Variants in ADGRF4 observed in about 807,000 individuals in gnomAD.
ADGRF4 encodes G-protein coupled receptor PGR18.
A neutral mutation model predicts 58.5 loss-of-function variants in ADGRF4; 63 were observed. That is an observed-to-expected ratio of 1.08 (90% CI 0.88 to 1.33). ADGRF4 has a LOEUF of 1.33. Among genes scored for constraint, ADGRF4 ranks in the 40% most tolerant of loss-of-function variants. The pLI is 0.00. For synonymous variants in ADGRF4, 313 were observed against 295.4 expected (o/e 1.06, Z -0.61); for missense variants, 931 against 843.9 (o/e 1.10, Z -1.28).
chr6:47,707,237 T>A lies in ADGRF4; in HGVS notation c.-9T>A. 1 of 1,584,476 alleles carries A rather than the reference T, an allele frequency of 6.3e-7. No homozygotes were observed. Among genetic ancestry groups the A allele is most frequent in the Non-Finnish European group, 8.7e-7 (1 of 1,153,048 alleles). On this transcript the variant is annotated 5_prime_UTR_variant, in exon 2 of 10. Transcript: ENST00000283303. ...CTTCTTTCTCTATTGCAGGTGAAGATCCTCATGTATGAAAATGAAGTCCCA... is the reference window on the plus strand; with the variant it reads ...CTTCTTTCTCTATTGCAGGTGAAGAACCTCATGTATGAAAATGAAGTCCCA...
At chr6:47,699,621 G>A (rs1771540246) in intron 1 of ADGRF4, among the ~76,000 whole-genome samples, 1 of 152,158 alleles carries the variant, frequency 6.6e-6, no homozygotes, top group Non-Finnish European at 1.5e-5. Context: ...CAGATTGGCT[G>A]GAAGCCATCT....
At chr6:47,713,149 G>C (rs2113903615) in intron 5 of ADGRF4, among the ~76,000 whole-genome samples, 1 of 152,312 alleles carries the variant, frequency 6.6e-6, no homozygotes, top group South Asian at 2.1e-4. Flanking sequence ...AGGTGGAACA[G>C]TTTCATCCTG....
intron 5 of ADGRF4, 112 bp from the exon 6 acceptor site, chr6:47,713,686 T>A (rs1340679019): frequency 6.2e-6 from 5 of 800,670 alleles, no homozygotes; most frequent in Non-Finnish European, 9.4e-6. Context: ...TGAAGAGAAA[T>A]ATGCCAAATA....
At chr6:47,700,189 A>C (rs1325503695) in intron 1 of ADGRF4, among the ~76,000 whole-genome samples, 1 of 151,886 alleles carries the variant, frequency 6.6e-6, no homozygotes, top group Admixed American at 6.6e-5. Flanking sequence ...GGTGTTTTGC[A>C]TGAACAGGTT....
chr6:47,704,715 A>C (rs774110319), intron 1 of ADGRF4, among the ~76,000 whole-genome samples: 7 of 152,210 alleles, frequency 4.6e-5, no homozygotes, highest in Non-Finnish European at 7.3e-5. Flanking sequence ...AATAGAATAG[A>C]GAAGAATGTA....
chr6:47,710,611 C>T, intron 3 of ADGRF4, 124 bp from the exon 4 acceptor site: 1 of 893,992 alleles, frequency 1.1e-6, no homozygotes, highest in Non-Finnish European at 1.7e-6. Context: ...GGACCCAGTT[C>T]AACCCAATTG....
intron 6 of ADGRF4, 178 bp downstream of exon 6, chr6:47,715,355 G>A (rs1581698505): frequency 1.1e-5 from 6 of 545,374 alleles, no homozygotes; most frequent in African/African-American, 1.9e-5. Context: ...TGACCAGGGT[G>A]GTTGGGTGGA....
intron 2 of ADGRF4, 28 bp downstream of exon 2, chr6:47,707,366 C>T (rs374202333): frequency 1.9e-5 from 26 of 1,359,718 alleles, no homozygotes; most frequent in African/African-American, 1.1e-4. Context: ...CTATGTGATC[C>T]GAGGAGAAAT....
chr6:47,713,945 A>G lies in ADGRF4; in HGVS notation c.700A>G (p.Ile234Val), dbSNP rs143611664. Reference sequence around the variant, plus strand: ...CCACATCCACAATAATTCTGAGAACATTGTGAATGAACTCTTCATTCAGAC... The same window carrying G: ...CCACATCCACAATAATTCTGAGAACGTTGTGAATGAACTCTTCATTCAGAC... ...QLHIHNNSEN[I>V]VNELFIQTKG... is the part of the protein sequence containing the mutation. Residue 234 changes from isoleucine to valine, a missense_variant, in exon 6 of 10, where the codon ATT (isoleucine) becomes GTT (valine). Transcript: ENST00000283303. 21 of 1,609,470 alleles carry G rather than the reference A, an allele frequency of 1.3e-5. No individual in the cohort carries two copies. In the African/African-American group the frequency reaches 2.5e-4, roughly 19 times the overall value.
intron 6 of ADGRF4, 70 bp from the exon 7 acceptor site, chr6:47,716,736 G>A (rs1316894504): frequency 2.0e-5 from 22 of 1,123,154 alleles, no homozygotes; most frequent in African/African-American, 7.7e-5. Flanking sequence ...CTAGAAGAGC[G>A]GTATGAAAAT....
chr6:47,713,834 G>C lies in ADGRF4; in HGVS notation c.589G>C (p.Ala197Pro). The change falls in exon 6 of 10, where the codon GCA becomes CCA. Residue 197 changes from alanine (A) to proline (P), a missense_variant. Physicochemically the swap from Ala to Pro is conservative, Grantham distance 27. Transcript: ENST00000283303. ...SEVANHILDT[A>P]AISNWAFIPN... is the part of the protein sequence containing the mutation. ...AGTGGCCAACCACATCCTCGACACA[G>C]CAGCCATTTCAAACTGGGCTTTCAT... 6.3e-7 allele frequency: 1 copy of C among 1,580,848 alleles called. No individual in the cohort carries two copies. The highest frequency in any genetic ancestry group is 1.2e-5 in the South Asian group (1 of 83,986).
chr6:47,715,947 T>C (rs1423974594), intron 6 of ADGRF4, among the ~76,000 whole-genome samples: 1 of 151,802 alleles, frequency 6.6e-6, no homozygotes, highest in Admixed American at 6.6e-5. Flanking sequence ...ACTCTTTCTG[T>C]TGCATTGCTT....
intron 3 of ADGRF4, among the ~76,000 whole-genome samples, chr6:47,709,999 G>A (rs1443658503): frequency 1.3e-5 from 2 of 152,140 alleles, no homozygotes; most frequent in Non-Finnish European, 1.5e-5. Context: ...GATAAGCTTT[G>A]TTCAGGTATG....
Position 47,710,955 on chromosome 6 carries a change from T to C in ADGRF4, c.300+69T>C, listed in dbSNP as rs2113901350. 5 of 1,433,808 alleles carry C rather than the reference T, an allele frequency of 3.5e-6. 1 individual carries two copies. The East Asian group carries it at 9.1e-5, about 26-fold the overall frequency. The allele number at this position is 1,433,808 out of a possible 1,614,324, so 88.8% of individuals were successfully genotyped here. ...GCAGAAAGTAGACACATTTTTAATG[T>C]GATCTGTTCAGCATGACAAAAAGTC... On this transcript the variant is annotated intron_variant, in intron 4 of 9. Coordinates refer to ENST00000283303, the MANE Select transcript of ADGRF4 (RefSeq NM_153838.5).
intron 8 of ADGRF4, among the ~76,000 whole-genome samples, 199 bp downstream of exon 8, chr6:47,717,550 G>A: frequency 6.6e-6 from 1 of 152,224 alleles, no homozygotes; most frequent in South Asian, 2.1e-4. Context: ...CCCTTCAAGG[G>A]AATGTTTCAC....
chr6:47,706,963 G>A (rs1466315604), intron 1 of ADGRF4, among the ~76,000 whole-genome samples: 1 of 152,228 alleles, frequency 6.6e-6, no homozygotes, highest in Non-Finnish European at 1.5e-5. Context: ...AAGGAATGAT[G>A]CTTTGGTGAA....
chr6:47,703,782 G>A (rs919740178), intron 1 of ADGRF4, among the ~76,000 whole-genome samples: 11 of 152,086 alleles, frequency 7.2e-5, no homozygotes, highest in African/African-American at 2.7e-4. Context: ...TATATGAAAT[G>A]TATCATTATT....
intron 7 of ADGRF4, 122 bp from the exon 8 acceptor site, chr6:47,717,169 CA>C: frequency 1.3e-6 from 1 of 757,246 alleles, no homozygotes; most frequent in Non-Finnish European, 2.4e-6. Context: ...ACTTGCCAGT[CA>C]CTATGCTAAG....
intron 5 of ADGRF4, among the ~76,000 whole-genome samples, 181 bp from the exon 6 acceptor site, chr6:47,713,617 T>G (rs747982904): frequency 1.6e-4 from 25 of 152,206 alleles, no homozygotes; most frequent in Non-Finnish European, 3.5e-4. Context: ...TTTTGCATTA[T>G]TTTACTTTTC....
Sources: gnomAD v4.1 joint callset for allele counts (sites outside exome capture counted in the v4.1 genomes callset) on GRCh38, gnomAD v4.1.1 for gene constraint, MANE v1.5 for transcripts, NCBI Gene and HGNC (gene_info 2026-07-23, HGNC 2026-07-21) for gene names.